Variants in PRRX2 observed in about 807,000 individuals in gnomAD.
PRRX2 encodes the protein paired related homeobox 2.
In PRRX2, 11 loss-of-function variants were observed where a neutral mutation model predicts 18.0. The observed-to-expected ratio is 0.61, with a 90% CI of 0.39 to 1.01. PRRX2 has a LOEUF of 1.01. Ranked by LOEUF, PRRX2 falls within the 50% of genes least tolerant of loss-of-function variation. The pLI is 0.01. For synonymous variants in PRRX2, 177 were observed against 154.8 expected (o/e 1.14, Z -1.06); for missense variants, 387 against 351.0 (o/e 1.10, Z -0.82).
chr9:129,721,513 C>T (rs557725541), intron 3 of PRRX2, among the ~76,000 whole-genome samples: 18 of 152,152 alleles, frequency 1.2e-4, no homozygotes, highest in African/African-American at 2.7e-4. Context: ...TAGTCCTCAC[C>T]GCCCTCCTAA....
chr9:129,693,885 G>A (rs1393990676), intron 1 of PRRX2, among the ~76,000 whole-genome samples: 5 of 152,190 alleles, frequency 3.3e-5, no homozygotes, highest in African/African-American at 1.2e-4. Flanking sequence ...AAATGAGCGT[G>A]TCAAGGGACA....
At chr9:129,704,177 G>T (rs1832532268) in intron 1 of PRRX2, among the ~76,000 whole-genome samples, 1 of 152,216 alleles carries the variant, frequency 6.6e-6, no homozygotes, top group South Asian at 2.1e-4. Flanking sequence ...TCTCAAGGGG[G>T]GTTCATGATT....
intron 1 of PRRX2, among the ~76,000 whole-genome samples, chr9:129,704,171 A>G (rs1354629068): frequency 6.6e-6 from 1 of 152,198 alleles, no homozygotes; most frequent in African/African-American, 2.4e-5. Context: ...CAGAGTTCTC[A>G]AGGGGGGTTC....
chr9:129,715,281 G>A lies in PRRX2; in HGVS notation c.260-3950G>A, dbSNP rs1832690064. Among the ~76,000 whole-genome samples, 1 of 152,082 alleles carries A rather than the reference G, an allele frequency of 6.6e-6. No individual in the cohort carries two copies. The highest frequency in any genetic ancestry group is 2.1e-4 in the South Asian group (1 of 4,822). On this transcript the variant is annotated intron_variant, in intron 1 of 3. Coordinates refer to ENST00000372469, the MANE Select transcript of PRRX2 (RefSeq NM_016307.4). This position sits in a 1 kb window ranked among gnomAD's most constrained non-coding sequence, Gnocchi z 4.0. Reference sequence around the variant, plus strand: ...GGACAAGATAATTCATTGACGTGGGGGCCTGTCCTGTGTCTTGAAAGATAT... The same window carrying A: ...GGACAAGATAATTCATTGACGTGGGAGCCTGTCCTGTGTCTTGAAAGATAT...
intron 1 of PRRX2, among the ~76,000 whole-genome samples, chr9:129,668,195 G>T (rs1832051873): frequency 6.6e-6 from 1 of 152,214 alleles, no homozygotes; most frequent in Admixed American, 6.5e-5. Flanking sequence ...TCATCCATCT[G>T]GGTCAGGCGG....
At chr9:129,720,888 C>G in intron 3 of PRRX2, 114 bp downstream of exon 3, 2 of 1,210,866 alleles carry the variant, frequency 1.7e-6, no homozygotes. Flanking sequence ...TGTCCACGCG[C>G]CCCTGGGATC....
intron 1 of PRRX2, among the ~76,000 whole-genome samples, chr9:129,708,003 T>A (rs1484409354): frequency 6.6e-6 from 1 of 152,168 alleles, no homozygotes; most frequent in Non-Finnish European, 1.5e-5. Context: ...TTCTAGTTTC[T>A]CCACTTCCTG....
chr9:129,670,159 G>A (rs374096453), intron 1 of PRRX2, among the ~76,000 whole-genome samples: 6 of 151,028 alleles, frequency 4.0e-5, no homozygotes, highest in East Asian at 3.9e-4. Context: ...TGTAGCATGC[G>A]TCAGAGTCTC....
chr9:129,669,502 G>C (rs1832074511), intron 1 of PRRX2, among the ~76,000 whole-genome samples: 1 of 152,278 alleles, frequency 6.6e-6, no homozygotes, highest in Non-Finnish European at 1.5e-5. Flanking sequence ...AAAGCCCCTA[G>C]AGCCAGGCAG....
At chr9:129,720,882 C>A (rs554523778) in intron 3 of PRRX2, 108 bp downstream of exon 3, 9 of 1,251,232 alleles carry the variant, frequency 7.2e-6, no homozygotes, top group Non-Finnish European at 9.5e-6. Flanking sequence ...GAATGGTGTC[C>A]ACGCGCCCCT....
At chr9:129,672,120 A>T (rs1480054794) in intron 1 of PRRX2, among the ~76,000 whole-genome samples, 1 of 152,070 alleles carries the variant, frequency 6.6e-6, no homozygotes, top group Admixed American at 6.5e-5. Flanking sequence ...ACAGTGGCTC[A>T]CCCAGGGTGG....
At chr9:129,669,917 C>T (rs1832078749) in intron 1 of PRRX2, among the ~76,000 whole-genome samples, 2 of 151,590 alleles carry the variant, frequency 1.3e-5, no homozygotes, top group Non-Finnish European at 2.9e-5. Context: ...TTCACATTGT[C>T]GTGCAGTCGC....
At chr9:129,719,619 G>A (rs1000318026) in intron 2 of PRRX2, among the ~76,000 whole-genome samples, 9 of 152,376 alleles carry the variant, frequency 5.9e-5, no homozygotes, top group Middle Eastern at 3.4e-3. Context: ...CTGTGCTGCA[G>A]GCACCTGCCT....
At chr9:129,699,927 C>T (rs1832473449) in intron 1 of PRRX2, among the ~76,000 whole-genome samples, 1 of 152,128 alleles carries the variant, frequency 6.6e-6, no homozygotes, top group Non-Finnish European at 1.5e-5. Flanking sequence ...GTTGCTTCTG[C>T]CTCTCAGCAT....
intron 1 of PRRX2, among the ~76,000 whole-genome samples, chr9:129,690,981 ATTG>A (rs1832353727): frequency 6.6e-6 from 1 of 152,064 alleles, no homozygotes; most frequent in Non-Finnish European, 1.5e-5. Context: ...ACAAGAGCCT[ATTG>A]TTAAGTTTTT....
chr9:129,690,127 G>T (rs932659811), intron 1 of PRRX2, among the ~76,000 whole-genome samples: 4 of 152,084 alleles, frequency 2.6e-5, no homozygotes, highest in African/African-American at 9.7e-5. Flanking sequence ...CCGAGGCCCT[G>T]TCCCACCCTG....
intron 1 of PRRX2, among the ~76,000 whole-genome samples, chr9:129,705,264 C>T (rs1832542912): frequency 6.6e-6 from 1 of 152,188 alleles, no homozygotes; most frequent in East Asian, 1.9e-4. Flanking sequence ...GGTAGTCAGG[C>T]ACCAAAACGC....
At position 129,715,706 on chromosome 9, in the gene PRRX2, G is replaced by A. The variant is rs905944227; in HGVS notation, c.260-3525G>A. 1.3e-5 allele frequency among the ~76,000 whole-genome samples: 2 copies of A among 151,066 alleles called. No individual in the cohort carries two copies. Among genetic ancestry groups the A allele is most frequent in the African/African-American group, 4.9e-5 (2 of 41,062 alleles). ...GTCTCACAGGGGCAAAATTGCCCTC[G>A]GTTGAGAAGCAGTGGTCCAAACCCA... On this transcript the variant is annotated intron_variant, in intron 1 of 3. Transcript: ENST00000372469. This position sits in a 1 kb window ranked among gnomAD's most constrained non-coding sequence, Gnocchi z 4.0.
rs1449350012 is a variant in PRRX2 at position 129,671,844 on chromosome 9, C to T, written c.259+5718C>T. On this transcript the variant is annotated intron_variant, in intron 1 of 3. Coordinates refer to ENST00000372469, the MANE Select transcript of PRRX2 (RefSeq NM_016307.4). This position sits in a 1 kb window ranked among gnomAD's most constrained non-coding sequence, Gnocchi z 4.0. ...TTTTGGATCACAAGTCCAGGCCTCCCTCTCCTGCACAGTCCTTGGGCTGGA... is the reference window on the plus strand; with the variant it reads ...TTTTGGATCACAAGTCCAGGCCTCCTTCTCCTGCACAGTCCTTGGGCTGGA... 2.0e-5 allele frequency among the ~76,000 whole-genome samples: 3 copies of T among 152,104 alleles called. No homozygotes were observed. The highest frequency in any genetic ancestry group is 7.2e-5 in the African/African-American group (3 of 41,408).
Sources: gnomAD v4.1 joint callset for allele counts (sites outside exome capture counted in the v4.1 genomes callset) on GRCh38, gnomAD v4.1.1 for gene constraint, Gnocchi (gnomAD v3.1) non-coding constraint, MANE v1.5 for transcripts, NCBI Gene and HGNC (gene_info 2026-07-23, HGNC 2026-07-21) for gene names.